The following KLF12 variants were observed in gnomAD, a reference collection of about 807,000 sequenced individuals.
The protein encoded by KLF12 is Krueppel-like factor 12.
Under a neutral mutation model 37.8 loss-of-function variants are expected in KLF12, and 9 were observed. The observed-to-expected ratio is 0.24, with a 90% CI of 0.14 to 0.42. KLF12 has a LOEUF of 0.42. Ranked by LOEUF, KLF12 falls within the 10% of genes least tolerant of loss-of-function variation. The pLI, the probability that KLF12 is intolerant of heterozygous loss-of-function variation, is 1.00. For missense variants in KLF12, 411 were observed against 516.0 expected (o/e 0.80, Z 1.97); for synonymous variants, 208 against 202.1 (o/e 1.03, Z -0.25).
intron 1 of KLF12, among the ~76,000 whole-genome samples, chr13:74,081,723 T>C (rs1181971545): frequency 6.6e-6 from 1 of 152,222 alleles, no homozygotes; most frequent in Non-Finnish European, 1.5e-5. Context: ...TATATATCTT[T>C]GCATACAGGC....
chr13:73,913,258 T>A (rs543703270), intron 3 of KLF12, among the ~76,000 whole-genome samples: 26 of 152,324 alleles, frequency 1.7e-4, no homozygotes, highest in African/African-American at 5.8e-4. Context: ...ACACGTCACT[T>A]AGTCATCAGT....
intron 3 of KLF12, 38 bp downstream of exon 3, chr13:73,943,943 T>C (rs940487690): frequency 7.9e-7 from 1 of 1,270,712 alleles, no homozygotes; most frequent in South Asian, 1.2e-5. Context: ...GCCACTCTCA[T>C]CAAAAGGAGT....
intron 2 of KLF12, among the ~76,000 whole-genome samples, chr13:73,983,743 A>G (rs907580179): frequency 6.6e-6 from 1 of 152,174 alleles, no homozygotes; most frequent in African/African-American, 2.4e-5. Flanking sequence ...CCCCAGCCTG[A>G]CTGGTCTATG....
chr13:73,901,553 TATAA>T (rs903582624), intron 3 of KLF12, among the ~76,000 whole-genome samples: 2 of 152,232 alleles, frequency 1.3e-5, no homozygotes, highest in African/African-American at 2.4e-5. Context: ...TCCTGATGGT[TATAA>T]ATGATTGTGG....
chr13:73,858,625 T>C (rs1308405512), intron 3 of KLF12, among the ~76,000 whole-genome samples: 2 of 152,206 alleles, frequency 1.3e-5, no homozygotes, highest in South Asian at 2.1e-4. Flanking sequence ...CATTACTATA[T>C]AATCAACACA....
chr13:74,179,684 G>C, the KLF12 span, among the ~76,000 whole-genome samples: 1 of 152,240 alleles, frequency 6.6e-6, no homozygotes, highest in East Asian at 1.9e-4. Context: ...TGAAACTAAG[G>C]TTGCTTTATC....
chr13:74,179,240 T>A, the KLF12 span, among the ~76,000 whole-genome samples: 1 of 152,174 alleles, frequency 6.6e-6, no homozygotes, highest in East Asian at 1.9e-4. Context: ...GAAAGCCCAT[T>A]TGGACAGGAG....
chr13:73,776,201 G>A (rs1407105631), intron 5 of KLF12, among the ~76,000 whole-genome samples: 1 of 152,118 alleles, frequency 6.6e-6, no homozygotes, highest in Non-Finnish European at 1.5e-5. Flanking sequence ...TCTTTAAGTG[G>A]ACACCAAATA....
chr13:73,747,011 T>C (rs1878419329), intron 6 of KLF12, among the ~76,000 whole-genome samples: 2 of 152,056 alleles, frequency 1.3e-5, no homozygotes. Context: ...GAGATGGGAT[T>C]TCACCATGTT....
chr13:74,070,898 G>A (rs1022551883), intron 1 of KLF12, among the ~76,000 whole-genome samples: 11 of 152,206 alleles, frequency 7.2e-5, no homozygotes, highest in African/African-American at 2.7e-4. Flanking sequence ...ATGGATGGCA[G>A]TTGTGAATAA....
At chr13:74,258,615 G>A in the KLF12 span, 2 of 152,176 alleles carry the variant, frequency 1.3e-5, no homozygotes, top group Admixed American at 6.5e-5. Flanking sequence ...ACATTTAGTG[G>A]ATAAACAGAA....
chr13:73,719,309 G>A (rs1221880045), intron 6 of KLF12, among the ~76,000 whole-genome samples: 2 of 151,938 alleles, frequency 1.3e-5, no homozygotes, highest in South Asian at 2.1e-4. Flanking sequence ...GCAAGTGGAC[G>A]ACAACCGTGG....
the KLF12 span, among the ~76,000 whole-genome samples, chr13:74,262,390 T>C: frequency 6.6e-6 from 1 of 152,192 alleles, no homozygotes; most frequent in East Asian, 1.9e-4. Flanking sequence ...AAATTTTAAA[T>C]GCTAAGAAAG....
rs528603173 is a variant in KLF12, at chr13:73,908,410, A to AAAC, written c.123+35570_123+35571insGTT. Among the ~76,000 whole-genome samples, 111 of 150,250 alleles carry AAAC rather than the reference A, an allele frequency of 7.4e-4. 1 individual carries two copies. The highest frequency in any genetic ancestry group is 3.6e-3 in the Admixed American group (54 of 15,172). ...GAGCGAGACTCTGTCTCAAAAAAAA[A>AAAC]AAACAAACAAACAAAAAAATTAACC... is the stretch of plus-strand genomic sequence containing the variant. On this transcript the variant is annotated intron_variant, in intron 3 of 7. Coordinates refer to ENST00000377669, the MANE Select transcript of KLF12 (RefSeq NM_007249.5).
intron 5 of KLF12, among the ~76,000 whole-genome samples, chr13:73,789,359 AT>A (rs1220902148): frequency 6.6e-6 from 1 of 152,162 alleles, no homozygotes; most frequent in Non-Finnish European, 1.5e-5. Context: ...CACCCTAAGG[AT>A]TTTTGGGACT....
intron 2 of KLF12, among the ~76,000 whole-genome samples, chr13:73,954,889 T>C (rs1348677455): frequency 6.6e-6 from 1 of 152,226 alleles, no homozygotes; most frequent in Non-Finnish European, 1.5e-5. Context: ...AAATATCTAA[T>C]TCATTTCACC....
intron 3 of KLF12, among the ~76,000 whole-genome samples, chr13:73,929,257 C>G (rs189122402): frequency 6.6e-6 from 1 of 152,258 alleles, no homozygotes; most frequent in East Asian, 1.9e-4. Flanking sequence ...ACTAAAGGAA[C>G]AGAGGAGGGT....
intron 2 of KLF12, among the ~76,000 whole-genome samples, chr13:73,949,569 T>C (rs1566477964): frequency 6.6e-6 from 1 of 152,218 alleles, no homozygotes; most frequent in Non-Finnish European, 1.5e-5. Context: ...ATTCTTGCCT[T>C]TGGTGGCTCA....
At chr13:74,092,296 C>CAAAAAAAAAAA (rs35528942) in intron 1 of KLF12, among the ~76,000 whole-genome samples, 1 of 136,780 alleles carries the variant, frequency 7.3e-6, no homozygotes. Flanking sequence ...GACTCCGTCT[C>CAAAAAAAAAAA]AAAAAAAAAA....
Sources: gnomAD v4.1 joint callset for allele counts (sites outside exome capture counted in the v4.1 genomes callset) on GRCh38, gnomAD v4.1.1 for gene constraint, MANE v1.5 for transcripts, NCBI Gene and HGNC (gene_info 2026-07-23, HGNC 2026-07-21) for gene names.